Variants in SUMF1 observed in about 807,000 individuals in gnomAD.
SUMF1 encodes sulfatase modifying factor 1, also known as formylglycine-generating enzyme.
SUMF1 carries 48 observed loss-of-function variants against 47.6 expected under a neutral mutation model. The observed-to-expected ratio is 1.01, with a 90% CI of 0.80 to 1.28. The LOEUF (loss-of-function observed/expected upper bound fraction) is 1.28. Ranked by LOEUF, SUMF1 falls within the 50% of genes most tolerant of loss-of-function variation. The pLI is 0.00. For synonymous variants in SUMF1, 230 were observed against 192.1 expected (o/e 1.20, Z -1.63); for missense variants, 571 against 485.4 (o/e 1.18, Z -1.66).
chr3:4,304,422 A>G (rs1309709881), intron 8 of SUMF1, among the ~76,000 whole-genome samples: 1 of 152,186 alleles, frequency 6.6e-6, no homozygotes, highest in Non-Finnish European at 1.5e-5. Context: ...GATTACAGGC[A>G]TGAGCCACGC....
At chr3:4,260,674 G>T (rs1388838301) in intron 8 of SUMF1, among the ~76,000 whole-genome samples, 1 of 152,140 alleles carries the variant, frequency 6.6e-6, no homozygotes, top group Non-Finnish European at 1.5e-5. Flanking sequence ...GGCAGAGGTT[G>T]CAGTGAGCTG....
intron 7 of SUMF1, among the ~76,000 whole-genome samples, chr3:4,379,011 A>AGGTGCCACAGTTAT (rs1700415091): frequency 6.6e-6 from 1 of 152,226 alleles, no homozygotes. Flanking sequence ...TAGTAATGAC[A>AGGTGCCACAGTTAT]GTCATCCCAG....
intron 8 of SUMF1, among the ~76,000 whole-genome samples, chr3:4,338,351 T>C (rs1265280862): frequency 6.6e-6 from 1 of 152,186 alleles, no homozygotes; most frequent in East Asian, 1.9e-4. Flanking sequence ...AAAAGGCATC[T>C]TGACACAGGG....
Position 4,364,618 on chromosome 3 carries a change from C to T in SUMF1, c.1015-2364G>A, listed in dbSNP as rs1419730408. Among the ~76,000 whole-genome samples the T allele has an allele frequency of 8.6e-5, 13 of 151,312 alleles. No homozygotes were observed. In the East Asian group the frequency reaches 1.8e-3, roughly 20 times the overall value. On this transcript the variant is annotated intron_variant, in intron 8 of 8. Coordinates refer to ENST00000272902, the MANE Select transcript of SUMF1 (RefSeq NM_182760.4). ...GGTCTATTTGATTCTTCTCTCTTTT[C>T]TTCTTTATTAGTCTTGCTAGCGGTC...
At chr3:4,313,484 CA>C (rs1379181355) in intron 8 of SUMF1, 19 of 1,613,510 alleles carry the variant, frequency 1.2e-5, no homozygotes, top group Non-Finnish European at 1.6e-5. Context: ...GCACTTTTTG[CA>C]GCCAAAGATA....
At chr3:4,034,988 A>G (rs1417152363) in intron 9 of SUMF1, among the ~76,000 whole-genome samples, 1 of 151,824 alleles carries the variant, frequency 6.6e-6, no homozygotes, top group Non-Finnish European at 1.5e-5. Context: ...AAAGGCACAA[A>G]AGCATGTCCA....
intron 8 of SUMF1, among the ~76,000 whole-genome samples, chr3:4,097,359 C>G (rs1692928693): frequency 6.6e-6 from 1 of 152,002 alleles, no homozygotes; most frequent in African/African-American, 2.4e-5. Flanking sequence ...TCAAGACCAG[C>G]CTGGCCAAGA....
At chr3:4,083,855 G>A (rs1471230277) in intron 8 of SUMF1, among the ~76,000 whole-genome samples, 1 of 146,798 alleles carries the variant, frequency 6.8e-6, no homozygotes, top group South Asian at 2.2e-4. Flanking sequence ...AAAAAAAAAA[G>A]AGCTTAGAAA....
Position 4,106,985 on chromosome 3 carries a change from A to C in SUMF1, c.1015-38240T>G, listed in dbSNP as rs548367780. 5.6e-4 allele frequency among the ~76,000 whole-genome samples: 86 copies of C among 152,224 alleles called. 1 individual carries two copies. The highest frequency in any genetic ancestry group is 2.0e-3 in the African/African-American group (83 of 41,512). ...GAAAAAAAATTCAGATATTTCTCCAACCCGTTCAGAAAGGCTGTACCTAGA... is the reference window on the plus strand; with the variant it reads ...GAAAAAAAATTCAGATATTTCTCCACCCCGTTCAGAAAGGCTGTACCTAGA... On this transcript the variant is annotated intron_variant and NMD_transcript_variant, in intron 8 of 12. Transcript: ENST00000448413.
At chr3:4,050,244 C>T (rs1173595842) in intron 9 of SUMF1, among the ~76,000 whole-genome samples, 1 of 151,692 alleles carries the variant, frequency 6.6e-6, no homozygotes, top group African/African-American at 2.4e-5. Flanking sequence ...CCAGTATTTC[C>T]CTATCTCCTG....
At chr3:4,162,088 A>G (rs1694590648) in intron 8 of SUMF1, among the ~76,000 whole-genome samples, 1 of 151,898 alleles carries the variant, frequency 6.6e-6, no homozygotes, top group Non-Finnish European at 1.5e-5. Flanking sequence ...TGCAGGGTGT[A>G]CCTAGCAATA....
rs1206525272 is a variant in SUMF1, at chr3:4,152,456, C to CT, written c.1015-83712dup. On this transcript the variant is annotated intron_variant and NMD_transcript_variant, in intron 8 of 12. Transcript: ENST00000448413. ...GCACAGGCCCCAACACCCGGATTTG[C>CT]TTTTTTTTTTTCTTTTTCTTTTTCT... Among the ~76,000 whole-genome samples, 84 of 145,312 alleles carry CT rather than the reference C, an allele frequency of 5.8e-4. 3 individuals carry two copies. The East Asian group carries it at 6.2e-3, about 11-fold the overall frequency.
intron 7 of SUMF1, among the ~76,000 whole-genome samples, chr3:4,399,083 T>G (rs1701126067): frequency 6.6e-6 from 1 of 152,034 alleles, no homozygotes. Context: ...ATTTTGAGGA[T>G]ATGAGAACGA....
chr3:4,210,800 A>G (rs1404598041), intron 8 of SUMF1, among the ~76,000 whole-genome samples: 1 of 151,920 alleles, frequency 6.6e-6, no homozygotes, highest in Admixed American at 6.6e-5. Flanking sequence ...GGTGTTCCCA[A>G]AGGAGATTAA....
At chr3:4,257,794 G>A (rs1037908312) in intron 8 of SUMF1, among the ~76,000 whole-genome samples, 28 of 152,126 alleles carry the variant, frequency 1.8e-4, no homozygotes, top group Non-Finnish European at 2.2e-4. Context: ...AAAAGAGCCC[G>A]TGTGGCCAAG....
In SUMF1 at chr3:4,303,575, C is replaced by G. The variant is rs912397667; in HGVS notation, c.1014+72755G>C. ...GGGAGGCGGGCGCGCGGCTCCCCCA[C>G]GTGGTCTCCTCAAGCCGCCTCGCTG... is the stretch of plus-strand genomic sequence containing the variant. On this transcript the variant is annotated intron_variant and NMD_transcript_variant, in intron 8 of 12. Coordinates refer to the SUMF1 transcript ENST00000448413. The G allele has an allele frequency of 7.4e-6, 10 of 1,346,372 alleles. No homozygotes were observed. In the East Asian group the frequency reaches 3.2e-4, roughly 43 times the overall value. The allele number at this position is 1,346,372 out of a possible 1,614,324, so 83.4% of individuals were successfully genotyped here.
At chr3:4,269,762 T>C (rs1400006142) in intron 8 of SUMF1, among the ~76,000 whole-genome samples, 2 of 152,178 alleles carry the variant, frequency 1.3e-5, no homozygotes, top group African/African-American at 4.8e-5. Context: ...GGCACTTCCA[T>C]TCAACTACTA....
At chr3:4,289,206 G>A (rs1380500296) in intron 8 of SUMF1, among the ~76,000 whole-genome samples, 2 of 152,226 alleles carry the variant, frequency 1.3e-5, no homozygotes, top group Non-Finnish European at 2.9e-5. Flanking sequence ...CAGACTGGAG[G>A]TGAAAGAGCA....
At chr3:4,400,659 A>C (rs977196626) in intron 7 of SUMF1, among the ~76,000 whole-genome samples, 3 of 152,212 alleles carry the variant, frequency 2.0e-5, no homozygotes, top group Non-Finnish European at 4.4e-5. Context: ...TGTGGTGGGC[A>C]CAGTGAGTTA....
Sources: allele counts gnomAD v4.1 joint callset (sites outside exome capture counted in the v4.1 genomes callset), GRCh38; gene constraint gnomAD v4.1.1; transcripts MANE v1.5; gene names NCBI Gene and HGNC (gene_info 2026-07-23, HGNC 2026-07-21).